The following SLC12A3 variants were observed in gnomAD, a reference collection of about 807,000 sequenced individuals.
The protein encoded by SLC12A3 is Na-Cl cotransporter.
Under a neutral mutation model 121.0 loss-of-function variants are expected in SLC12A3, and 104 were observed. That is an observed-to-expected ratio of 0.86 (90% CI 0.73 to 1.01). The LOEUF is 1.01. Among genes scored for constraint, SLC12A3 ranks in the 50% least tolerant of loss-of-function variants. SLC12A3 has a pLI of 0.00. For synonymous variants in SLC12A3, 536 were observed against 533.4 expected (o/e 1.00, Z -0.07); for missense variants, 1,328 against 1,356.3 (o/e 0.98, Z 0.33).
Position 56,915,830 on chromosome 16 carries a change from G to A in SLC12A3, c.*2425G>A, listed in dbSNP as rs1213959759. ...ATAAACAATGAAATGAATAAAAACG[G>A]TGGTCATTCAGTCAACGGAACTTAT... On this transcript the variant is annotated 3_prime_UTR_variant, in exon 26 of 26. Transcript: ENST00000563236. 4 of 152,146 alleles carry A rather than the reference G, an allele frequency of 2.6e-5. No homozygotes were observed. 9.4% of individuals were successfully genotyped at this position (152,146 alleles called of 1,614,324 possible).
rs745611719 is a variant in SLC12A3 at position 56,888,008 on chromosome 16, G to A, written c.2262G>A (p.Val754=). 4 of 1,611,274 alleles carry A rather than the reference G, an allele frequency of 2.5e-6. No homozygotes were observed. Among genetic ancestry groups the A allele is most frequent in the Middle Eastern group, 1.7e-4 (1 of 6,060 alleles). The change falls in exon 18 of 26, where the codon GTG becomes GTA. Residue 754 remains valine, a synonymous_variant. Transcript: ENST00000563236. ...KNWQSAHPAT[V]EDYIGILHDA... is the part of the protein sequence containing the mutation. ...GGCAGTCGGCTCACCCGGCCACAGT[G>A]GAAGACTACATTGGCATCCTCCAGT...
chr16:56,912,057 G>T (rs894694451), intron 25 of SLC12A3, among the ~76,000 whole-genome samples: 1 of 152,222 alleles, frequency 6.6e-6, no homozygotes, highest in African/African-American at 2.4e-5. Flanking sequence ...TGACCTCAGC[G>T]CTCCAGCATC....
chr16:56,876,164 C>G (rs1223891749), intron 8 of SLC12A3, among the ~76,000 whole-genome samples: 5 of 152,118 alleles, frequency 3.3e-5, no homozygotes, highest in Admixed American at 6.5e-5. Context: ...CAATCTCTGT[C>G]TCTGTCTCAC....
chr16:56,871,974 C>T (rs568597456), intron 6 of SLC12A3, among the ~76,000 whole-genome samples: 1 of 152,206 alleles, frequency 6.6e-6, no homozygotes, highest in South Asian at 2.1e-4. Flanking sequence ...CCGCCCACCT[C>T]GGTCTCCCAA....
At chr16:56,868,749 A>T (rs1217736472) in intron 3 of SLC12A3, among the ~76,000 whole-genome samples, 1 of 152,170 alleles carries the variant, frequency 6.6e-6, no homozygotes, top group Non-Finnish European at 1.5e-5. Flanking sequence ...AGGCAGGTGG[A>T]TCACGAGGTC....
intron 8 of SLC12A3, among the ~76,000 whole-genome samples, chr16:56,874,960 C>T (rs2055147764): frequency 6.6e-6 from 1 of 152,184 alleles, no homozygotes; most frequent in Non-Finnish European, 1.5e-5. Flanking sequence ...GGGGAATGGC[C>T]AGCAGAGGCC....
chr16:56,890,232 G>A (rs1173910879), intron 18 of SLC12A3, 42 bp from the exon 19 acceptor site: 1 of 1,487,646 alleles, frequency 6.7e-7, no homozygotes, highest in Non-Finnish European at 9.4e-7. Flanking sequence ...CTCCCCAGTG[G>A]GAGCTGGGGG....
At position 56,867,109 on chromosome 16, in the gene SLC12A3, C is replaced by T. The variant is rs541789117; in HGVS notation, c.322C>T (p.Arg108Trp). 8.8e-5 allele frequency: 142 copies of T among 1,613,938 alleles called. No homozygotes were observed. Among genetic ancestry groups the T allele is most frequent in the South Asian group, 6.5e-4 (59 of 91,084 alleles). Residue 108 changes from arginine (R) to tryptophan (W), a missense_variant, in exon 2 of 26, where the codon CGG (arginine) becomes TGG (tryptophan). Transcript: ENST00000563236. ...RHLHALAFDS[R>W]PSHEMTDGLV... ...CCTGCATGCCCTGGCCTTTGACAGC[C>T]GGCCCAGCCACGAGATGACTGATGG...
intron 2 of SLC12A3, 41 bp from the exon 3 acceptor site, chr16:56,868,256 G>T: frequency 1.9e-6 from 3 of 1,600,718 alleles, no homozygotes; most frequent in East Asian, 2.2e-5. Flanking sequence ...TTGGCCTTGG[G>T]GTGTCCACCC....
chr16:56,881,382 C>T (rs779757754), intron 12 of SLC12A3, among the ~76,000 whole-genome samples: 15 of 152,122 alleles, frequency 9.9e-5, no homozygotes, highest in Non-Finnish European at 2.2e-4. Context: ...TTCCTGCTCA[C>T]CGGGGCCCAG....
At chr16:56,871,207 A>G (rs1408278356) in intron 6 of SLC12A3, among the ~76,000 whole-genome samples, 1 of 152,072 alleles carries the variant, frequency 6.6e-6, no homozygotes, top group African/African-American at 2.4e-5. Flanking sequence ...GGGGCCGGGC[A>G]CCCAGACTCC....
rs1338467875 is a variant in SLC12A3 at position 56,880,131 on chromosome 16, G to A, written c.1445G>A (p.Cys482Tyr). The change falls in exon 12 of 26, where the codon TGC (cysteine) becomes TAC (tyrosine). Residue 482 changes from cysteine (C) to tyrosine (Y), a missense_variant and splice_region_variant. By Grantham distance (194) the Cys-to-Tyr change is radical (BLOSUM62 -2). Transcript: ENST00000563236. The part of the protein sequence containing the change: ...CLVSAAKVFQ[C>Y]LCEDQLYPLI... ...TGAGTGCGGCATCTGGTGCTGCAGT[G>A]CCTTTGCGAGGACCAGCTGTACCCA... The A allele has an allele frequency of 1.2e-6, 2 of 1,605,166 alleles. No individual in the cohort carries two copies. The highest frequency in any genetic ancestry group is 1.7e-6 in the Non-Finnish European group (2 of 1,177,100).
In SLC12A3 at chr16:56,865,992, T is replaced by TTTTCTTTTC. The variant is rs59361615; in HGVS notation, c.282+478_282+479insCTTTTCTTT. Reference sequence around the variant, plus strand: ...TTTTCTTTTCTTTTCTTTTCTTTTCTTTTTTTTTTTTGAGACGGAGTCTGG... The same window carrying TTTTCTTTTC: ...TTTTCTTTTCTTTTCTTTTCTTTTCTTTTCTTTTCTTTTTTTTTTTGAGACGGAGTCTGG... On this transcript the variant is annotated intron_variant, in intron 1 of 25. Transcript: ENST00000563236. Among the ~76,000 whole-genome samples, 27 of 10,660 alleles carry TTTTCTTTTC rather than the reference T, an allele frequency of 2.5e-3. No homozygotes were observed. In the East Asian group the frequency reaches 0.045, roughly 18 times the overall value. The allele number at this position is 10,660 out of a possible 152,430, so 7.0% of individuals were successfully genotyped here.
chr16:56,869,801 C>T lies in SLC12A3; in HGVS notation c.578C>T (p.Ser193Phe), dbSNP rs2055066389. 1 of 1,613,996 alleles carries T rather than the reference C, an allele frequency of 6.2e-7. No homozygotes were observed. The highest frequency in any genetic ancestry group is 8.5e-7 in the Non-Finnish European group (1 of 1,179,974). Residue 193 changes from serine to phenylalanine, a missense_variant, in exon 4 of 26, where the codon TCC (serine) becomes TTC (phenylalanine). Ser to Phe is a radical substitution (Grantham distance 155). Transcript: ENST00000563236. ...SITGLSISAISTNGKVKSGGT... is the reference protein window; with the variant it reads ...SITGLSISAIFTNGKVKSGGT... ...ACAGGCCTCTCCATCTCAGCCATCTCCACCAATGGCAAGGTCAAGTCAGGT... is the reference window on the plus strand; with the variant it reads ...ACAGGCCTCTCCATCTCAGCCATCTTCACCAATGGCAAGGTCAAGTCAGGT...
chr16:56,904,405 A>C lies in SLC12A3; in HGVS notation c.2867A>C (p.Gln956Pro), dbSNP rs912866515. 3.1e-6 allele frequency: 5 copies of C among 1,613,886 alleles called. No homozygotes were observed. The African/African-American group carries it at 5.3e-5, about 17-fold the overall frequency. The change falls in exon 25 of 26, where the codon CAG becomes CCG. Residue 956 changes from glutamine to proline, a missense_variant. Physicochemically the swap from Gln to Pro is moderately conservative, Grantham distance 76. Coordinates refer to ENST00000563236, the MANE Select transcript of SLC12A3 (RefSeq NM_001126108.2). Reference sequence around the variant, plus strand: ...CTTTCTCCCGCCCAGTCCCTTCGGCAGGTGAGGCTGAATGAGATTGTGCTG... The same window carrying C: ...CTTTCTCCCGCCCAGTCCCTTCGGCCGGTGAGGCTGAATGAGATTGTGCTG... ...ITKNRVKSLR[Q>P]VRLNEIVLDY...
intron 25 of SLC12A3, among the ~76,000 whole-genome samples, chr16:56,909,089 A>G (rs1285129517): frequency 6.6e-6 from 1 of 152,222 alleles, no homozygotes; most frequent in African/African-American, 2.4e-5. Flanking sequence ...TCATGCTAAC[A>G]TGCTGTGATT....
At chr16:56,911,235 T>C (rs2055680039) in intron 25 of SLC12A3, among the ~76,000 whole-genome samples, 1 of 152,352 alleles carries the variant, frequency 6.6e-6, no homozygotes, top group East Asian at 1.9e-4. Context: ...AGTCACTAAA[T>C]ATTTGAACTC....
At chr16:56,880,010 C>T in intron 11 of SLC12A3, 120 bp from the exon 12 acceptor site, 1 of 1,261,130 alleles carries the variant, frequency 7.9e-7, no homozygotes, top group Non-Finnish European at 1.1e-6. Flanking sequence ...AAACAGACAC[C>T]AGGACCCAGG....
intron 22 of SLC12A3, among the ~76,000 whole-genome samples, chr16:56,898,254 G>T (rs2055492358): frequency 1.0e-5 from 1 of 99,930 alleles, no homozygotes; most frequent in Non-Finnish European, 1.9e-5. Context: ...GTTTGATTTG[G>T]TTTTGTTTTG....
Sources: gnomAD v4.1 joint callset for allele counts (sites outside exome capture counted in the v4.1 genomes callset) on GRCh38, gnomAD v4.1.1 for gene constraint, MANE v1.5 for transcripts, NCBI Gene and HGNC (gene_info 2026-07-23, HGNC 2026-07-21) for gene names.